The following CFAP251 variants were observed in gnomAD, a reference collection of about 807,000 sequenced individuals.
The protein encoded by CFAP251 is cilia and flagella associated protein 251.
Under a neutral mutation model 126.7 loss-of-function variants are expected in CFAP251, and 93 were observed. The observed-to-expected ratio is 0.73, with a 90% CI of 0.62 to 0.87. CFAP251 has a LOEUF of 0.87. Ranked by LOEUF, CFAP251 falls within the 40% of genes least tolerant of loss-of-function variation. CFAP251 has a pLI of 0.00. For missense variants in CFAP251, 1,287 were observed against 1,389.2 expected (o/e 0.93, Z 1.17); for synonymous variants, 503 against 506.9 (o/e 0.99, Z 0.10).
chr12:121,954,209 G>A lies in CFAP251; in HGVS notation c.1410G>A (p.Leu470=). The change falls in exon 10 of 22, where the codon CTG becomes CTA. Residue 470 remains leucine (L), a synonymous_variant. Transcript: ENST00000288912. ...TCTCAGCCACAATGGAAGGGAAGCT[G>A]GTTGTCTGGGACATACACCGCCCAC... ...QILSATMEGK[L]VVWDIHRPPS... 1 of 1,614,118 alleles carries A rather than the reference G, an allele frequency of 6.2e-7. No homozygotes were observed. Among genetic ancestry groups the A allele is most frequent in the Non-Finnish European group, 8.5e-7 (1 of 1,180,020 alleles).
intron 17 of CFAP251, among the ~76,000 whole-genome samples, chr12:121,973,158 A>G (rs927211067): frequency 6.6e-6 from 1 of 151,962 alleles, no homozygotes; most frequent in African/African-American, 2.4e-5. Flanking sequence ...CATCCCAGCC[A>G]CTCCAGTCAT....
chr12:121,926,575 G>A (rs1025749011), intron 3 of CFAP251, among the ~76,000 whole-genome samples: 28 of 152,090 alleles, frequency 1.8e-4, no homozygotes, highest in African/African-American at 4.6e-4. Flanking sequence ...CAATCCTCCC[G>A]CCTCGGCCTC....
Position 121,967,430 on chromosome 12 carries a change from A to C in CFAP251, c.2607+361A>C, listed in dbSNP as rs186301016. Among the ~76,000 whole-genome samples the C allele has an allele frequency of 3.3e-5, 5 of 152,296 alleles. No individual in the cohort carries two copies. In the South Asian group the frequency reaches 8.3e-4, roughly 25 times the overall value. ...GAAAAGTGTAAAGTCGGGCCAGGTG[A>C]GGTGGCTCACGCCTGTAATCCCAGC... On this transcript the variant is annotated intron_variant, in intron 16 of 21. Transcript: ENST00000288912.
intron 13 of CFAP251, among the ~76,000 whole-genome samples, chr12:121,960,090 G>A (rs1881877564): frequency 6.6e-6 from 1 of 152,044 alleles, no homozygotes. Context: ...CCGTGATCAG[G>A]CCACTGCACT....
Position 121,923,706 on chromosome 12 carries a change from C to A in CFAP251, c.463C>A (p.Gln155Lys). 1.2e-6 allele frequency: 2 copies of A among 1,612,770 alleles called. No homozygotes were observed. Among genetic ancestry groups the A allele is most frequent in the Non-Finnish European group, 1.7e-6 (2 of 1,179,344 alleles). ...TDELLRDLST[Q>K]IEFLDLDQIS... ...TGAGCTTTTAAGAGACCTGAGCACA[C>A]AAATTGAATTTCTTGATTTGGATCA... Residue 155 changes from glutamine (Q) to lysine (K), a missense_variant, in exon 3 of 22, where the codon CAA becomes AAA. Coordinates refer to ENST00000288912, the MANE Select transcript of CFAP251 (RefSeq NM_144668.6).
Position 121,941,139 on chromosome 12 carries a change from T to G in CFAP251, c.999-1395T>G, listed in dbSNP as rs748848197. On this transcript the variant is annotated intron_variant, in intron 5 of 21. Transcript: ENST00000288912. Reference sequence around the variant, plus strand: ...TCCGCCTCCTGGGTTCAAGTGATTCTCCTACCTCAGCTTCCCGAGTAGCTG... The same window carrying G: ...TCCGCCTCCTGGGTTCAAGTGATTCGCCTACCTCAGCTTCCCGAGTAGCTG... Among the ~76,000 whole-genome samples the G allele has an allele frequency of 7.2e-4, 109 of 152,240 alleles. 1 individual carries two copies. Among genetic ancestry groups the G allele is most frequent in the Non-Finnish European group, 1.4e-3 (98 of 68,022 alleles).
In CFAP251 at chr12:121,975,341, G is replaced by T. The variant is rs756305072; in HGVS notation, c.2862+7G>T. 5.0e-6 allele frequency: 8 copies of T among 1,612,672 alleles called. No individual in the cohort carries two copies. The Middle Eastern group carries it at 5.0e-4, about 100-fold the overall frequency. On this transcript the variant is annotated splice_region_variant and intron_variant, in intron 18 of 21. Transcript: ENST00000288912. ...GGAAGGAAAATTCTACAGGGTAATT[G>T]TCCCTAGAGTAAACACCTCCTGGTA... is the stretch of plus-strand genomic sequence containing the variant.
At chr12:121,962,634 G>A (rs888562745) in intron 15 of CFAP251, among the ~76,000 whole-genome samples, 1 of 151,888 alleles carries the variant, frequency 6.6e-6, no homozygotes, top group Admixed American at 6.6e-5. Flanking sequence ...GCGGGGGCAG[G>A]TGATGCAATG....
At chr12:121,940,644 C>T (rs1030000400) in intron 5 of CFAP251, among the ~76,000 whole-genome samples, 2 of 152,196 alleles carry the variant, frequency 1.3e-5, no homozygotes, top group Non-Finnish European at 2.9e-5. Flanking sequence ...CCAACCCAAC[C>T]ATTACAGCTT....
chr12:121,920,401 T>C (rs1375947331), intron 1 of CFAP251, among the ~76,000 whole-genome samples: 2 of 145,122 alleles, frequency 1.4e-5, no homozygotes, highest in African/African-American at 5.0e-5. Context: ...TTTTTGTATT[T>C]TTTTTTTTTT....
chr12:121,957,628 C>T (rs1434108633), intron 11 of CFAP251, among the ~76,000 whole-genome samples: 6 of 143,384 alleles, frequency 4.2e-5, no homozygotes, highest in African/African-American at 7.8e-5. Context: ...GGTGTGAACC[C>T]GGGAGACGGA....
intron 14 of CFAP251, 52 bp from the exon 15 acceptor site, chr12:121,961,926 A>T: frequency 6.4e-7 from 1 of 1,569,282 alleles, no homozygotes; most frequent in Non-Finnish European, 8.6e-7. Context: ...TCCTTAGCTG[A>T]GCCTTTAATT....
chr12:121,982,642 T>A (rs1362880019), intron 19 of CFAP251, among the ~76,000 whole-genome samples: 2 of 152,170 alleles, frequency 1.3e-5, no homozygotes, highest in Non-Finnish European at 2.9e-5. Context: ...CCTCCCAAAG[T>A]GCTGGGATTA....
At chr12:121,992,360 A>T (rs1882895885) in intron 19 of CFAP251, 4 of 985,248 alleles carry the variant, frequency 4.1e-6, no homozygotes, top group Non-Finnish European at 4.8e-6. Context: ...TTGAGTAGTG[A>T]TTCTTGATCA....
chr12:121,992,189 G>A (rs1300777769), intron 19 of CFAP251: 17 of 985,208 alleles, frequency 1.7e-5, no homozygotes, highest in African/African-American at 3.5e-5. Context: ...ACACGGGGGC[G>A]TTCAGAACAA....
In CFAP251 at chr12:121,969,613, G is replaced by A. The variant is rs1001957823; in HGVS notation, c.2771+1444G>A. 1.7e-5 allele frequency: 13 copies of A among 780,340 alleles called. No homozygotes were observed. In the African/African-American group the frequency reaches 2.5e-4, roughly 15 times the overall value. The allele number at this position is 780,340 out of a possible 1,614,324, so 48.3% of individuals were successfully genotyped here. On this transcript the variant is annotated intron_variant, in intron 17 of 21. Transcript: ENST00000288912. ...CAATTCTCCTGCCTCAGCCTCCTGA[G>A]TAGCTGGGACCACAGGCATATGCCA...
chr12:121,963,508 A>C (rs372395742), intron 15 of CFAP251, among the ~76,000 whole-genome samples: 3 of 151,550 alleles, frequency 2.0e-5, no homozygotes, highest in African/African-American at 7.3e-5. Context: ...GGAGGACACC[A>C]GCCGGGGAGC....
chr12:121,926,314 C>T (rs1396475711), intron 3 of CFAP251, among the ~76,000 whole-genome samples: 2 of 151,510 alleles, frequency 1.3e-5, no homozygotes, highest in Non-Finnish European at 2.9e-5. Flanking sequence ...CTCTCTTTCT[C>T]CTTTATTATT....
intron 5 of CFAP251, among the ~76,000 whole-genome samples, chr12:121,938,844 G>A (rs1880993350): frequency 1.3e-5 from 2 of 151,446 alleles, no homozygotes; most frequent in African/African-American, 4.8e-5. Context: ...CAAAAAATTA[G>A]TCGGGCATAA....
Sources: gnomAD v4.1 joint callset for allele counts (sites outside exome capture counted in the v4.1 genomes callset) on GRCh38, gnomAD v4.1.1 for gene constraint, MANE v1.5 for transcripts, NCBI Gene and HGNC (gene_info 2026-07-23, HGNC 2026-07-21) for gene names.